The following GABRG3 variants were observed in gnomAD, a reference collection of about 807,000 sequenced individuals.
The protein encoded by GABRG3 is gamma-aminobutyric acid receptor subunit gamma-3.
A neutral mutation model predicts 48.8 loss-of-function variants in GABRG3; 25 were observed. That is an observed-to-expected ratio of 0.51 (90% confidence interval 0.37 to 0.72). The LOEUF (loss-of-function observed/expected upper bound fraction) is 0.72. Among genes scored for constraint, GABRG3 ranks in the 30% least tolerant of loss-of-function variants. GABRG3 has a pLI of 0.00. For missense variants in GABRG3, 394 were observed against 577.9 expected, an observed-to-expected ratio of 0.68 and a Z score of 3.26; for synonymous variants, 227 against 217.6, an observed-to-expected ratio of 1.04 and a Z score of -0.38.
At chr15:27,132,471 G>GGTTTTTTTTTTTTTTT (rs778222775) in intron 3 of GABRG3, among the ~76,000 whole-genome samples, 1 of 39,594 alleles carries the variant, frequency 2.5e-5, no homozygotes, top group African/African-American at 8.8e-5. Flanking sequence ...AGTAGTTACA[G>GGTTTTTTTTTTTTTTT]TTTTTTTTTT....
intron 3 of GABRG3, among the ~76,000 whole-genome samples, chr15:27,058,897 A>G (rs1896598726): frequency 6.6e-6 from 1 of 152,190 alleles, no homozygotes; most frequent in South Asian, 2.1e-4. Context: ...CTTAGACTAA[A>G]TGCAACCGTC....
chr15:27,134,779 T>G (rs1256615970), intron 3 of GABRG3, among the ~76,000 whole-genome samples: 1 of 152,176 alleles, frequency 6.6e-6, no homozygotes, highest in Non-Finnish European at 1.5e-5. Context: ...TTGTTGGCAT[T>G]GTGGAATTGA....
At chr15:26,995,286 G>A (rs888133554) in intron 2 of GABRG3, among the ~76,000 whole-genome samples, 4 of 151,714 alleles carry the variant, frequency 2.6e-5, no homozygotes, top group African/African-American at 9.7e-5. Flanking sequence ...TTTATGTTTG[G>A]TGTTTGCATT....
chr15:26,977,224 G>A (rs79596906), intron 2 of GABRG3, 74 bp downstream of exon 2: 3 of 1,457,088 alleles, frequency 2.1e-6, no homozygotes, highest in Admixed American at 4.0e-5. Context: ...TTGAGTAATT[G>A]TGAATTCCAA....
At chr15:27,197,832 C>A (rs746328824) in intron 3 of GABRG3, among the ~76,000 whole-genome samples, 3 of 151,942 alleles carry the variant, frequency 2.0e-5, no homozygotes, top group Non-Finnish European at 4.4e-5. Context: ...CTGGTTTAGT[C>A]TTGGGAGGAT....
chr15:27,061,032 T>G (rs527978523), intron 3 of GABRG3, among the ~76,000 whole-genome samples: 34 of 152,310 alleles, frequency 2.2e-4, no homozygotes, highest in African/African-American at 8.2e-4. Context: ...AGTAGCACAT[T>G]TTGAATGTAA....
intron 6 of GABRG3, among the ~76,000 whole-genome samples, chr15:27,482,031 A>G (rs1037512814): frequency 6.6e-6 from 1 of 152,192 alleles, no homozygotes; most frequent in African/African-American, 2.4e-5. Context: ...AAGGAAATGC[A>G]AAGTTAAGCT....
At chr15:27,143,936 T>G (rs373265597) in intron 3 of GABRG3, among the ~76,000 whole-genome samples, 1 of 152,168 alleles carries the variant, frequency 6.6e-6, no homozygotes, top group East Asian at 1.9e-4. Flanking sequence ...GAAATTTATT[T>G]CTCAAATAAA....
In GABRG3 at chr15:27,313,307, T is replaced by TAC. The variant is rs1555370938; in HGVS notation, c.271-13501_271-13500insCA. On this transcript the variant is annotated intron_variant, in intron 3 of 9. Transcript: ENST00000615808. ...ATATATATATATATATATATATATATATACCCAACATCAGCACACCAAAAT... is the reference window on the plus strand; with the variant it reads ...ATATATATATATATATATATATATATACATACCCAACATCAGCACACCAAAAT... Among the ~76,000 whole-genome samples, 12 of 98,958 alleles carry TAC rather than the reference T, an allele frequency of 1.2e-4. No individual in the cohort carries two copies. In the East Asian group the frequency reaches 1.8e-3, roughly 15 times the overall value. 64.9% of individuals were successfully genotyped at this position (98,958 alleles called of 152,430 possible).
At chr15:27,139,048 T>A (rs1595546351) in intron 3 of GABRG3, among the ~76,000 whole-genome samples, 1 of 151,430 alleles carries the variant, frequency 6.6e-6, no homozygotes. Context: ...GACAGAGAGG[T>A]ATATGAGAAC....
intron 3 of GABRG3, among the ~76,000 whole-genome samples, chr15:27,256,298 G>A (rs147774892): frequency 0.036 from 5,468 of 151,968 alleles, 273 homozygotes; most frequent in African/African-American, 0.11. Context: ...AAAATTAGCC[G>A]GGTGCGATGG....
intron 3 of GABRG3, among the ~76,000 whole-genome samples, chr15:27,043,958 A>C (rs538860114): frequency 6.6e-6 from 1 of 152,232 alleles, no homozygotes; most frequent in East Asian, 1.9e-4. Context: ...TCGGGCTGAG[A>C]GTCTCAACTC....
At chr15:27,042,176 TC>T (rs757689461) in intron 3 of GABRG3, among the ~76,000 whole-genome samples, 14 of 152,260 alleles carry the variant, frequency 9.2e-5, no homozygotes, top group Non-Finnish European at 2.1e-4. Flanking sequence ...CCCATCTGCC[TC>T]CCCTCTCAGC....
intron 3 of GABRG3, among the ~76,000 whole-genome samples, chr15:27,222,779 G>A (rs764353989): frequency 6.6e-6 from 1 of 152,174 alleles, no homozygotes; most frequent in Non-Finnish European, 1.5e-5. Context: ...CATGGCGACT[G>A]CAGTGTTCCC....
At chr15:27,240,191 A>G (rs1458738848) in intron 3 of GABRG3, among the ~76,000 whole-genome samples, 3 of 152,150 alleles carry the variant, frequency 2.0e-5, no homozygotes, top group Non-Finnish European at 4.4e-5. Flanking sequence ...TGTTGTTAAG[A>G]TCATTCTATA....
intron 3 of GABRG3, among the ~76,000 whole-genome samples, chr15:27,078,870 C>T (rs1365681902): frequency 6.6e-6 from 1 of 152,172 alleles, no homozygotes; most frequent in East Asian, 1.9e-4. Context: ...GAAATAGGGT[C>T]ATTGCAGATG....
chr15:27,398,331 G>A (rs1887376782), intron 5 of GABRG3, among the ~76,000 whole-genome samples: 1 of 152,154 alleles, frequency 6.6e-6, no homozygotes, highest in East Asian at 1.9e-4. Context: ...GAAGAAGTAG[G>A]TAATATTGCC....
At chr15:27,368,863 G>A (rs1340416855) in intron 5 of GABRG3, among the ~76,000 whole-genome samples, 4 of 152,136 alleles carry the variant, frequency 2.6e-5, no homozygotes, top group East Asian at 1.9e-4. Context: ...GGAATGGAAG[G>A]CATTGAGGGG....
chr15:27,468,608 G>C (rs2150839180), intron 5 of GABRG3, among the ~76,000 whole-genome samples: 1 of 152,172 alleles, frequency 6.6e-6, no homozygotes, highest in Admixed American at 6.5e-5. Flanking sequence ...ACTACTGCCT[G>C]GATTTTCTAT....
Sources: gnomAD v4.1 joint callset for allele counts (sites outside exome capture counted in the v4.1 genomes callset) on GRCh38, gnomAD v4.1.1 for gene constraint, MANE v1.5 for transcripts, NCBI Gene and HGNC (gene_info 2026-07-23, HGNC 2026-07-21) for gene names.